Variants in TIPIN observed in about 807,000 individuals in gnomAD.
The protein encoded by TIPIN is TIMELESS interacting protein.
TIPIN carries 29 observed loss-of-function variants against 35.6 expected under a neutral mutation model. The ratio of observed to expected loss-of-function variants is 0.82; its 90% CI spans 0.61 to 1.11. The LOEUF (loss-of-function observed/expected upper bound fraction) is 1.11, where lower values mean the gene tolerates loss of function less well. TIPIN is among the 50% of genes most tolerant of loss of function. TIPIN has a pLI of 0.00. For synonymous variants in TIPIN, 102 were observed against 121.5 expected, an observed-to-expected ratio of 0.84 and a Z score of 1.06; for missense variants, 296 against 345.4, an observed-to-expected ratio of 0.86 and a Z score of 1.13.
intron 6 of TIPIN, chr15:66,347,124 T>C: frequency 5.1e-6 from 2 of 395,682 alleles, no homozygotes; most frequent in East Asian, 6.5e-5. Flanking sequence ...TGTTTGAAAG[T>C]AGTTTATAAA....
At chr15:66,377,389 C>T (rs952859343) in intron 1 of TIPIN, among the ~76,000 whole-genome samples, 1 of 152,020 alleles carries the variant, frequency 6.6e-6, no homozygotes, top group Admixed American at 6.6e-5. Flanking sequence ...TTTTTTGAGA[C>T]ATTCTTGCTC....
chr15:66,352,882 A>T lies in TIPIN; in HGVS notation c.66T>A (p.Thr22=), dbSNP rs1566977364. ...LPDYEHVEDE[T]FPPFPPPASP... is the part of the protein sequence containing the mutation. Reference sequence around the variant, plus strand: ...AGGCTGGAGGTGGGAAAGGAGGAAAAGTTTCATCTTCTACATGCTCATAAT... The same window carrying T: ...AGGCTGGAGGTGGGAAAGGAGGAAATGTTTCATCTTCTACATGCTCATAAT... The change falls in exon 2 of 8, where the codon ACT becomes ACA. Residue 22 remains threonine (T), a synonymous_variant. Coordinates refer to ENST00000261881, the MANE Select transcript of TIPIN (RefSeq NM_017858.3). 6.2e-7 allele frequency: 1 copy of T among 1,613,914 alleles called. No individual in the cohort carries two copies. Among genetic ancestry groups the T allele is most frequent in the East Asian group, 2.2e-5 (1 of 44,878 alleles).
chr15:66,347,714 G>A (rs2093136559), intron 6 of TIPIN, among the ~76,000 whole-genome samples: 1 of 152,126 alleles, frequency 6.6e-6, no homozygotes, highest in Non-Finnish European at 1.5e-5. Context: ...CTCCTGAGTA[G>A]CTGGGATTAC....
intron 1 of TIPIN, among the ~76,000 whole-genome samples, chr15:66,374,596 T>G (rs1194902697): frequency 6.6e-6 from 1 of 151,910 alleles, no homozygotes; most frequent in African/African-American, 2.4e-5. Flanking sequence ...GTTTTTGTTT[T>G]GAGATGGAGT....
At chr15:66,355,746 G>A (rs970244635) in intron 1 of TIPIN, among the ~76,000 whole-genome samples, 7 of 152,080 alleles carry the variant, frequency 4.6e-5, no homozygotes, top group South Asian at 4.1e-4. Flanking sequence ...GCGAGACTCC[G>A]TTTCAAAACA....
intron 1 of TIPIN, among the ~76,000 whole-genome samples, chr15:66,384,952 A>G (rs1314369601): frequency 6.6e-6 from 1 of 152,076 alleles, no homozygotes; most frequent in Non-Finnish European, 1.5e-5. Flanking sequence ...CCCCCCAAAA[A>G]ACAAAACAAA....
intron 1 of TIPIN, among the ~76,000 whole-genome samples, chr15:66,384,035 C>T (rs548455222): frequency 1.4e-3 from 217 of 151,604 alleles, no homozygotes; most frequent in African/African-American, 5.1e-3. Flanking sequence ...CTTGTTCTGT[C>T]GCCCAGGCTG....
At chr15:66,350,210 C>A (rs1361131606) in intron 4 of TIPIN, among the ~76,000 whole-genome samples, 1 of 151,878 alleles carries the variant, frequency 6.6e-6, no homozygotes, top group African/African-American at 2.4e-5. Flanking sequence ...GTGATCCGCC[C>A]ACCCTGGCCT....
At chr15:66,359,318 T>G (rs1042991660), upstream of TIPIN, among the ~76,000 whole-genome samples, 2 of 152,160 alleles carry the variant, frequency 1.3e-5, no homozygotes, top group African/African-American at 4.8e-5. Context: ...TATATTAATA[T>G]TAAGCAATTA....
intron 1 of TIPIN, among the ~76,000 whole-genome samples, chr15:66,383,858 C>G (rs993073253): frequency 6.6e-6 from 1 of 152,168 alleles, no homozygotes; most frequent in South Asian, 2.1e-4. Flanking sequence ...GCTCGTCATA[C>G]TTTACACAAG....
In TIPIN at chr15:66,352,805, C is replaced by T. The variant is rs778502248; in HGVS notation, c.133+10G>A. The T allele has an allele frequency of 3.7e-6, 6 of 1,607,418 alleles. No individual in the cohort carries two copies. The highest frequency in any genetic ancestry group is 1.7e-5 in the Admixed American group (1 of 58,890). ...CTCACAGCCTCCTTTTTAAAACTCTCTATACATACCTTCATCAGGCTCAGT... is the reference window on the plus strand; with the variant it reads ...CTCACAGCCTCCTTTTTAAAACTCTTTATACATACCTTCATCAGGCTCAGT... On this transcript the variant is annotated intron_variant, in intron 2 of 7. Coordinates refer to ENST00000261881, the MANE Select transcript of TIPIN (RefSeq NM_017858.3).
intron 1 of TIPIN, among the ~76,000 whole-genome samples, chr15:66,375,830 A>G (rs1349071104): frequency 7.5e-6 from 1 of 134,180 alleles, no homozygotes; most frequent in African/African-American, 2.6e-5. Context: ...ATTCTTGTCC[A>G]GGTGTTCATG....
chr15:66,356,739 G>A, upstream of TIPIN: 2 of 985,340 alleles, frequency 2.0e-6, no homozygotes, highest in Non-Finnish European at 2.4e-6. Flanking sequence ...GGCCCGCAGC[G>A]TTTGGCGCCA....
At chr15:66,338,706 C>T (rs62627331) in intron 7 of TIPIN, among the ~76,000 whole-genome samples, 3 of 142,428 alleles carry the variant, frequency 2.1e-5, no homozygotes, top group Non-Finnish European at 4.5e-5. Context: ...CCCAGCTACT[C>T]GGGAGGCTGA....
intron 1 of TIPIN, among the ~76,000 whole-genome samples, chr15:66,378,742 T>C (rs942344308): frequency 7.6e-6 from 1 of 132,226 alleles, no homozygotes; most frequent in African/African-American, 2.5e-5. Context: ...TTTTCTTCCA[T>C]ATTTTTTTTT....
At chr15:66,359,174 G>GACACAC (rs144363122), upstream of TIPIN, among the ~76,000 whole-genome samples, 29 of 134,924 alleles carry the variant, frequency 2.1e-4, no homozygotes, top group African/African-American at 5.1e-4. Context: ...CACACACACA[G>GACACAC]ACACACACAC....
At chr15:66,353,183 C>T (rs2093180132) in intron 1 of TIPIN, among the ~76,000 whole-genome samples, 1 of 152,192 alleles carries the variant, frequency 6.6e-6, no homozygotes, top group South Asian at 2.1e-4. Flanking sequence ...TGAACAAATC[C>T]TTTTACCTCA....
intron 6 of TIPIN, among the ~76,000 whole-genome samples, chr15:66,347,674 C>T (rs1336802923): frequency 6.6e-6 from 1 of 152,164 alleles, no homozygotes; most frequent in Non-Finnish European, 1.5e-5. Flanking sequence ...CCTCCACCTC[C>T]TGGATTCAAG....
At chr15:66,375,631 G>A (rs887405411) in intron 1 of TIPIN, among the ~76,000 whole-genome samples, 5 of 150,308 alleles carry the variant, frequency 3.3e-5, no homozygotes, top group Non-Finnish European at 7.4e-5. Flanking sequence ...TTGAGGTCAG[G>A]AGTTTGAGAC....
Sources: allele counts gnomAD v4.1 joint callset (sites outside exome capture counted in the v4.1 genomes callset), GRCh38; gene constraint gnomAD v4.1.1; transcripts MANE v1.5; gene names NCBI Gene and HGNC (gene_info 2026-07-23, HGNC 2026-07-21).